SH3RF1: variants seen among roughly 807,000 people sequenced by gnomAD.
The protein encoded by SH3RF1 is SH3 domain containing ring finger 1.
Under a neutral mutation model 74.0 loss-of-function variants are expected in SH3RF1, and 32 were observed. The ratio of observed to expected loss-of-function variants is 0.43; its 90% CI spans 0.33 to 0.58. SH3RF1 has a LOEUF of 0.58. SH3RF1 is among the 20% of genes least tolerant of loss of function. The pLI is 0.05. For synonymous variants in SH3RF1, 396 were observed against 439.6 expected (o/e 0.90, Z 1.24); for missense variants, 954 against 1,130.9 (o/e 0.84, Z 2.24).
At chr4:169,231,288 T>C (rs981895736) in intron 2 of SH3RF1, among the ~76,000 whole-genome samples, 2 of 152,130 alleles carry the variant, frequency 1.3e-5, no homozygotes, top group African/African-American at 4.8e-5. Flanking sequence ...GGAAAATAAG[T>C]TGGGTGTGGT....
chr4:169,146,774 C>A (rs1353763887), intron 4 of SH3RF1, among the ~76,000 whole-genome samples: 2 of 151,954 alleles, frequency 1.3e-5, no homozygotes, highest in East Asian at 3.9e-4. Flanking sequence ...GGAGTGTAGT[C>A]AAGGAATAGG....
chr4:169,190,117 A>C (rs1734675423), intron 2 of SH3RF1, among the ~76,000 whole-genome samples: 1 of 152,216 alleles, frequency 6.6e-6, no homozygotes, highest in Admixed American at 6.5e-5. Context: ...GCCTACATCA[A>C]AAAGTCTGAA....
chr4:169,170,315 G>C (rs1428392691), intron 2 of SH3RF1, among the ~76,000 whole-genome samples: 1 of 152,046 alleles, frequency 6.6e-6, no homozygotes, highest in African/African-American at 2.4e-5. Flanking sequence ...AGAAAATCAA[G>C]CAAGAGCCCA....
chr4:169,162,732 AT>A (rs1288058830), intron 2 of SH3RF1, among the ~76,000 whole-genome samples: 3 of 152,054 alleles, frequency 2.0e-5, no homozygotes, highest in African/African-American at 7.2e-5. Flanking sequence ...CTTTTCTTGC[AT>A]GCTCATTTTC....
At chr4:169,102,055 C>T (rs1733046886) in intron 11 of SH3RF1, among the ~76,000 whole-genome samples, 1 of 152,148 alleles carries the variant, frequency 6.6e-6, no homozygotes, top group Non-Finnish European at 1.5e-5. Flanking sequence ...TTTCTAATCG[C>T]CCCTGGTATA....
chr4:169,154,763 G>A (rs1482631077), intron 4 of SH3RF1, among the ~76,000 whole-genome samples: 2 of 152,034 alleles, frequency 1.3e-5, no homozygotes, highest in South Asian at 2.1e-4. Context: ...AAATGCCTTC[G>A]ATTTTATTTT....
chr4:169,249,856 A>T (rs1229954181), intron 2 of SH3RF1, among the ~76,000 whole-genome samples: 2 of 152,224 alleles, frequency 1.3e-5, no homozygotes, highest in Non-Finnish European at 2.9e-5. Flanking sequence ...CCCATACAGC[A>T]ATGATTATAT....
intron 2 of SH3RF1, among the ~76,000 whole-genome samples, chr4:169,157,747 C>CT (rs34413899): frequency 4.8e-4 from 70 of 145,030 alleles, no homozygotes; most frequent in South Asian, 2.0e-3. Context: ...CTTTTTTTTT[C>CT]TTTTTTTTTT....
At chr4:169,261,858 C>G (rs1054666241) in intron 2 of SH3RF1, among the ~76,000 whole-genome samples, 1 of 152,022 alleles carries the variant, frequency 6.6e-6, no homozygotes, top group Non-Finnish European at 1.5e-5. Flanking sequence ...TCATCTTCTA[C>G]TATTACATTT....
intron 2 of SH3RF1, among the ~76,000 whole-genome samples, chr4:169,258,526 C>T (rs1451101094): frequency 2.6e-5 from 4 of 152,150 alleles, no homozygotes; most frequent in Non-Finnish European, 4.4e-5. Flanking sequence ...ATAATACGAT[C>T]TACCAAAGAT....
chr4:169,123,891 CA>C (rs11324240), intron 6 of SH3RF1, among the ~76,000 whole-genome samples: 1,392 of 134,566 alleles, frequency 0.01, 22 homozygotes, highest in African/African-American at 0.032. Context: ...GACTCCGTCT[CA>C]AAAAAAAAAA....
chr4:169,194,233 G>C (rs146439620), intron 2 of SH3RF1, among the ~76,000 whole-genome samples: 2 of 152,232 alleles, frequency 1.3e-5, no homozygotes, highest in African/African-American at 4.8e-5. Context: ...ATATAAAACT[G>C]CACAAAACCA....
intron 4 of SH3RF1, among the ~76,000 whole-genome samples, chr4:169,152,892 G>A (rs760910548): frequency 6.6e-6 from 1 of 152,104 alleles, no homozygotes; most frequent in Non-Finnish European, 1.5e-5. Flanking sequence ...AAACTATTCC[G>A]GTAGCATTTC....
In SH3RF1 at chr4:169,094,428, C is replaced by T. The variant is rs1732878634; in HGVS notation, c.*2091G>A. The T allele has an allele frequency of 6.6e-6, 1 of 152,038 alleles. No individual in the cohort carries two copies. The highest frequency in any genetic ancestry group is 2.4e-5 in the African/African-American group (1 of 41,400). The allele number at this position is 152,038 out of a possible 1,614,324, so 9.4% of individuals were successfully genotyped here. A position where few individuals can be genotyped will look rare whatever the true frequency, so the allele number is the denominator to read the frequency against. On this transcript the variant is annotated 3_prime_UTR_variant, in exon 12 of 12. Transcript: ENST00000284637. ...GCAAAAAACCAATAGAAAACCCATA[C>T]ATTATATTACCTAATGATCTATTAA...
chr4:169,260,398 A>T (rs1253583612), intron 2 of SH3RF1, among the ~76,000 whole-genome samples: 2 of 152,172 alleles, frequency 1.3e-5, no homozygotes, highest in Non-Finnish European at 1.5e-5. Context: ...TCTTTTAGCC[A>T]CTTGGAAAGA....
intron 2 of SH3RF1, among the ~76,000 whole-genome samples, chr4:169,198,663 C>A (rs1051077857): frequency 6.6e-6 from 1 of 151,770 alleles, no homozygotes; most frequent in Non-Finnish European, 1.5e-5. Context: ...GTATATTAAG[C>A]AAAACGATTA....
At chr4:169,258,179 C>T (rs1291640343) in intron 2 of SH3RF1, among the ~76,000 whole-genome samples, 1 of 152,214 alleles carries the variant, frequency 6.6e-6, no homozygotes, top group Non-Finnish European at 1.5e-5. Context: ...CCTCAAATCA[C>T]ATAGCCAGGA....
intron 2 of SH3RF1, chr4:169,166,920 G>T: frequency 3.7e-6 from 1 of 268,266 alleles, no homozygotes; most frequent in East Asian, 1.0e-4. Context: ...ACTTCAAGAA[G>T]AGGCAGCTGC....
In SH3RF1 at chr4:169,263,078, T is replaced by A. The variant is rs146346246; in HGVS notation, c.393+5742A>T. On this transcript the variant is annotated intron_variant, in intron 2 of 11. Transcript: ENST00000284637. ...ATTTCCCTCATCCAAACCACCACAT[T>A]AAATGTCTTGCTTGGGTCCGGTATG... Among the ~76,000 whole-genome samples, 1,430 of 152,280 alleles carry A rather than the reference T, an allele frequency of 9.4e-3. 9 individuals are homozygous for A. The highest frequency in any genetic ancestry group is 0.013 in the Admixed American group (199 of 15,308).
Sources: gnomAD v4.1 joint callset for allele counts (sites outside exome capture counted in the v4.1 genomes callset) on GRCh38, gnomAD v4.1.1 for gene constraint, MANE v1.5 for transcripts, NCBI Gene and HGNC (gene_info 2026-07-23, HGNC 2026-07-21) for gene names.